The following TMCC2 variants were observed in gnomAD, a reference collection of about 807,000 sequenced individuals.
TMCC2 encodes the protein transmembrane and coiled-coil domain family 2.
TMCC2 carries 16 observed loss-of-function variants against 49.4 expected under a neutral mutation model. That is an observed-to-expected ratio of 0.32 (90% CI 0.22 to 0.49). The LOEUF is 0.49. TMCC2 is among the 20% of genes least tolerant of loss of function. The pLI, the probability that TMCC2 is intolerant of heterozygous loss-of-function variation, is 0.99. For synonymous variants in TMCC2, 397 were observed against 434.1 expected (o/e 0.91, Z 1.06); for missense variants, 762 against 989.8 (o/e 0.77, Z 3.09).
intron 1 of TMCC2, among the ~76,000 whole-genome samples, chr1:205,239,195 C>A (rs189405677): frequency 1.3e-5 from 2 of 152,160 alleles, no homozygotes; most frequent in African/African-American, 4.8e-5. Context: ...TGGAATAGAA[C>A]GCTAGAAAGA....
At chr1:205,229,159 G>T (rs530530318) in intron 1 of TMCC2, 32 of 151,156 alleles carry the variant, frequency 2.1e-4, no homozygotes, top group African/African-American at 1.9e-3. Context: ...ATCTTTGTGT[G>T]TGTGTGTGTG....
intron 1 of TMCC2, chr1:205,229,127 G>A (rs755821240): frequency 2.4e-5 from 27 of 1,133,560 alleles, no homozygotes; most frequent in Non-Finnish European, 2.8e-5. Context: ...TTTCCTTGCT[G>A]AGTAAGTCTC....
intron 2 of TMCC2, among the ~76,000 whole-genome samples, chr1:205,259,924 G>T (rs1177828526): frequency 6.6e-6 from 1 of 152,124 alleles, no homozygotes; most frequent in African/African-American, 2.4e-5. Context: ...GGGAAAGTTG[G>T]GTCTTGGACA....
intron 1 of TMCC2, among the ~76,000 whole-genome samples, chr1:205,233,219 T>G (rs1659880526): frequency 1.3e-5 from 2 of 152,192 alleles, no homozygotes; most frequent in Non-Finnish European, 1.5e-5. Context: ...GGACTTCCCC[T>G]AAGGTTCTCT....
chr1:205,252,666 A>T (rs1660711785), intron 2 of TMCC2, among the ~76,000 whole-genome samples: 1 of 152,190 alleles, frequency 6.6e-6, no homozygotes, highest in African/African-American at 2.4e-5. Context: ...GCAGATTTTC[A>T]CAGCACATTT....
At chr1:205,257,171 G>T in intron 2 of TMCC2, 1 of 1,232,464 alleles carries the variant, frequency 8.1e-7, no homozygotes, top group South Asian at 4.1e-5. Flanking sequence ...AGAGCAATCC[G>T]CCCCTAATCC....
rs1305201676 is a variant in TMCC2, at chr1:205,241,815, G to A, written c.518G>A (p.Gly173Asp). Reference protein sequence around the residue: ...RGASLHSSSGGGSSGSSSRRT... With the variant: ...RGASLHSSSGDGSSGSSSRRT... ...GCCAGCCTGCACAGCAGCAGTGGGG[G>A]CGGCAGCAGCGGGAGCAGCAGCCGG... The change falls in exon 2 of 5, where the codon GGC becomes GAC. Residue 173 changes from glycine to aspartate, a missense_variant. Physicochemically the swap from Gly to Asp is moderately conservative, Grantham distance 94. This residue lies in a region of TMCC2 where 322 missense variants were observed against 353.1 expected (regional missense o/e 0.91). Transcript: ENST00000358024. The surrounding 1 kb of genome is among the most constrained non-coding windows in gnomAD (Gnocchi z 7.3). The A allele has an allele frequency of 4.4e-6, 7 of 1,602,886 alleles. No individual in the cohort carries two copies. The highest frequency in any genetic ancestry group is 4.5e-5 in the East Asian group (2 of 44,442).
chr1:205,229,560 G>T (rs2102512902), intron 1 of TMCC2: 1 of 602,556 alleles, frequency 1.7e-6, no homozygotes, highest in Non-Finnish European at 1.8e-6. Flanking sequence ...GGGGGGGGGT[G>T]GTGGCGGGGG....
intron 1 of TMCC2, among the ~76,000 whole-genome samples, chr1:205,240,201 G>C (rs1430294024): frequency 6.6e-6 from 1 of 152,220 alleles, no homozygotes; most frequent in East Asian, 1.9e-4. Flanking sequence ...TCTCATAGAG[G>C]GCTCAACCTG....
chr1:205,231,532 A>G (rs898196172), intron 1 of TMCC2, among the ~76,000 whole-genome samples: 1 of 152,140 alleles, frequency 6.6e-6, no homozygotes, highest in African/African-American at 2.4e-5. Context: ...CCTGGACTCA[A>G]GCGAAACTCC....
Position 205,241,747 on chromosome 1 carries a change from C to T in TMCC2, c.450C>T (p.Arg150=), listed in dbSNP as rs77149546. Residue 150 remains arginine (R), a synonymous_variant, in exon 2 of 5, where the codon CGC becomes CGT. Transcript: ENST00000358024. The surrounding 1 kb of genome is among the most constrained non-coding windows in gnomAD (Gnocchi z 7.3). ...DLPARPTAFN[R]VLQQIRSRPS... is the part of the protein sequence containing the mutation. ...CCGCCCGGCCCACCGCCTTCAACCGCGTGCTGCAGCAGATCCGCTCCCGGC... is the reference window on the plus strand; with the variant it reads ...CCGCCCGGCCCACCGCCTTCAACCGTGTGCTGCAGCAGATCCGCTCCCGGC... 7.7e-4 allele frequency: 1,240 copies of T among 1,612,920 alleles called. 2 individuals carry two copies. The highest frequency in any genetic ancestry group is 1.7e-3 in the Admixed American group (100 of 60,000).
chr1:205,271,029 A>G, intron 3 of TMCC2, 91 bp from the exon 4 acceptor site: 1 of 1,541,750 alleles, frequency 6.5e-7, no homozygotes, highest in Non-Finnish European at 8.8e-7. Flanking sequence ...GGGCTGAGTC[A>G]TTGTTTATTG....
chr1:205,250,983 C>T (rs1320865807), intron 2 of TMCC2, among the ~76,000 whole-genome samples: 1 of 152,166 alleles, frequency 6.6e-6, no homozygotes, highest in African/African-American at 2.4e-5. Flanking sequence ...CTGCCACATC[C>T]CTGAGATGAG....
At chr1:205,230,682 C>T (rs1386208369) in intron 1 of TMCC2, among the ~76,000 whole-genome samples, 2 of 152,330 alleles carry the variant, frequency 1.3e-5, no homozygotes, top group East Asian at 3.9e-4. Context: ...CTCAGGACAG[C>T]AGTGGAAACT....
At chr1:205,263,213 G>A (rs1054056169) in intron 2 of TMCC2, among the ~76,000 whole-genome samples, 3 of 152,192 alleles carry the variant, frequency 2.0e-5, no homozygotes, top group Admixed American at 6.5e-5. Context: ...AGACCAGTGA[G>A]ATTAAGGGTT....
chr1:205,249,086 A>G (rs1490056578), intron 2 of TMCC2, among the ~76,000 whole-genome samples: 3 of 152,162 alleles, frequency 2.0e-5, no homozygotes, highest in African/African-American at 7.2e-5. Flanking sequence ...GCAGGAAGGA[A>G]GAGAGGGCCA....
chr1:205,272,228 A>C lies in TMCC2; in HGVS notation c.*104A>C. The C allele has an allele frequency of 6.7e-7, 1 of 1,495,636 alleles. No homozygotes were observed. The highest frequency in any genetic ancestry group is 8.9e-7 in the Non-Finnish European group (1 of 1,123,386). 92.6% of individuals were successfully genotyped at this position (1,495,636 alleles called of 1,614,324 possible). ...GTGTGTCCAGTTTGGCCTCCTGCCC[A>C]AACTGTCCATTCCAGCAGCTCCTGC... On this transcript the variant is annotated 3_prime_UTR_variant, in exon 5 of 5. Coordinates refer to ENST00000358024, the MANE Select transcript of TMCC2 (RefSeq NM_014858.4).
At chr1:205,234,319 A>G (rs1268889949) in intron 1 of TMCC2, among the ~76,000 whole-genome samples, 4 of 151,926 alleles carry the variant, frequency 2.6e-5, no homozygotes, top group Non-Finnish European at 5.9e-5. Flanking sequence ...GGTGGCGGGC[A>G]CCTGTAGTCC....
At chr1:205,257,459 G>GA in intron 2 of TMCC2, 1 of 1,184,298 alleles carries the variant, frequency 8.4e-7, no homozygotes, top group South Asian at 4.4e-5. Context: ...AGTCAGGTGG[G>GA]CTGTGCTTAC....
Sources: gnomAD v4.1 joint callset for allele counts (sites outside exome capture counted in the v4.1 genomes callset) on GRCh38, gnomAD v4.1.1 for gene constraint, gnomAD v4.1.1 regional missense constraint, Gnocchi (gnomAD v3.1) non-coding constraint, MANE v1.5 for transcripts, NCBI Gene and HGNC (gene_info 2026-07-23, HGNC 2026-07-21) for gene names.